The following MPHOSPH9 variants were observed in gnomAD, a reference collection of about 807,000 sequenced individuals.
MPHOSPH9 encodes M-phase phosphoprotein 9.
MPHOSPH9 carries 88 observed loss-of-function variants against 145.5 expected under a neutral mutation model. The observed-to-expected ratio is 0.60, with a 90% confidence interval of 0.51 to 0.72. The LOEUF is 0.72. MPHOSPH9 is among the 30% of genes least tolerant of loss of function. The pLI, the probability that MPHOSPH9 is intolerant of heterozygous loss-of-function variation, is 0.00. For missense variants in MPHOSPH9, 1,238 were observed against 1,386.6 expected (o/e 0.89, Z 1.70); for synonymous variants, 435 against 486.2 (o/e 0.89, Z 1.39).
chr12:123,231,493 A>T (rs1187815067), intron 1 of MPHOSPH9, among the ~76,000 whole-genome samples: 1 of 152,170 alleles, frequency 6.6e-6, no homozygotes, highest in African/African-American at 2.4e-5. Flanking sequence ...TGAACTATAT[A>T]TATGGTCTTT....
intron 3 of MPHOSPH9, among the ~76,000 whole-genome samples, chr12:123,226,917 G>A (rs1404668554): frequency 2.0e-5 from 3 of 152,136 alleles, no homozygotes; most frequent in East Asian, 1.9e-4. Flanking sequence ...GATTACAGGC[G>A]TGAGCCACTG....
At chr12:123,225,840 A>C (rs1360084543) in intron 3 of MPHOSPH9, among the ~76,000 whole-genome samples, 1 of 152,212 alleles carries the variant, frequency 6.6e-6, no homozygotes, top group East Asian at 1.9e-4. Flanking sequence ...GTTCGAGACC[A>C]GCCTGGCCAA....
upstream of MPHOSPH9, among the ~76,000 whole-genome samples, chr12:123,235,218 T>TCTC (rs2047825886): frequency 6.6e-6 from 1 of 152,202 alleles, no homozygotes; most frequent in Admixed American, 6.5e-5. Context: ...GGTAGTAGTA[T>TCTC]CTCCATTCTA....
chr12:123,218,233 A>T, intron 6 of MPHOSPH9, 143 bp downstream of exon 6: 1 of 1,227,420 alleles, frequency 8.1e-7, no homozygotes, highest in Non-Finnish European at 1.1e-6. Flanking sequence ...ACTCCGTCTC[A>T]AAAAAACAAC....
chr12:123,181,062 T>C (rs1157378252), intron 14 of MPHOSPH9, 101 bp downstream of exon 14: 5 of 1,097,174 alleles, frequency 4.6e-6, no homozygotes, highest in Non-Finnish European at 6.9e-6. Context: ...CTACGGAGGT[T>C]CAGGAAGGGG....
At chr12:123,162,068 A>T in intron 21 of MPHOSPH9, 47 bp downstream of exon 21, 1 of 1,255,894 alleles carries the variant, frequency 8.0e-7, no homozygotes, top group Non-Finnish European at 1.1e-6. Flanking sequence ...AGAATCTCAA[A>T]AAATGAATGA....
downstream of MPHOSPH9, chr12:123,152,572 A>C (rs1254512904): frequency 2.2e-6 from 1 of 456,710 alleles, no homozygotes. Flanking sequence ...GACATGGTAC[A>C]TAATGTCCAG....
chr12:123,212,094 T>G (rs1006103258), intron 7 of MPHOSPH9, among the ~76,000 whole-genome samples: 3 of 151,618 alleles, frequency 2.0e-5, no homozygotes, highest in Non-Finnish European at 4.4e-5. Context: ...GCAGGAGGAG[T>G]GAGACATGAA....
At chr12:123,206,165 A>G (rs1161557063) in intron 8 of MPHOSPH9, among the ~76,000 whole-genome samples, 1 of 152,032 alleles carries the variant, frequency 6.6e-6, no homozygotes, top group Admixed American at 6.6e-5. Flanking sequence ...AGAGAGAGAA[A>G]TGGCCAGGCA....
chr12:123,212,379 CCTTCT>C (rs550695958), intron 7 of MPHOSPH9, among the ~76,000 whole-genome samples: 2 of 152,202 alleles, frequency 1.3e-5, no homozygotes, highest in South Asian at 4.1e-4. Flanking sequence ...AGACAATCTC[CCTTCT>C]CATCAAAGAA....
At chr12:123,177,589 AAAAC>A (rs1345077291) in intron 15 of MPHOSPH9, among the ~76,000 whole-genome samples, 1 of 152,158 alleles carries the variant, frequency 6.6e-6, no homozygotes, top group African/African-American at 2.4e-5. Context: ...GAAAAACAGA[AAAAC>A]AAATACATTA....
intron 16 of MPHOSPH9, among the ~76,000 whole-genome samples, chr12:123,176,174 A>T (rs1716173): frequency 0.65 from 97,822 of 151,636 alleles, 36,091 homozygotes; most frequent in East Asian, 1. Context: ...TAAAATTCAG[A>T]TCTAATATAA....
intron 6 of MPHOSPH9, among the ~76,000 whole-genome samples, chr12:123,216,999 AT>A (rs1368817351): frequency 2.0e-5 from 3 of 151,622 alleles, no homozygotes; most frequent in Admixed American, 6.6e-5. Flanking sequence ...AAAAAAATAA[AT>A]AAATAAATAA....
Position 123,164,011 on chromosome 12 carries a change from A to C in MPHOSPH9, c.2847T>G (p.Leu949=), listed in dbSNP as rs1183798271. The C allele has an allele frequency of 1.2e-6, 2 of 1,614,174 alleles. No homozygotes were observed. The highest frequency in any genetic ancestry group is 1.6e-4 in the Middle Eastern group (1 of 6,062). The part of the protein sequence containing the change: ...EKCAQQRQKR[L]NSASQRSSSL... ...ATGATGATCTCTGTGAGGCCGAATT[A>C]AGTCTCTTTTGTCTCTGTTGGGCAC... Residue 949 remains leucine, a synonymous_variant, in exon 19 of 24, where the codon CTT becomes CTG. Coordinates refer to ENST00000606320, the MANE Select transcript of MPHOSPH9 (RefSeq NM_022782.4).
At chr12:123,189,946 AC>A (rs1172064183) in intron 13 of MPHOSPH9, among the ~76,000 whole-genome samples, 1 of 151,778 alleles carries the variant, frequency 6.6e-6, no homozygotes, top group African/African-American at 2.4e-5. Context: ...AAAAAAAAAA[AC>A]AAAAACAAAA....
intron 14 of MPHOSPH9, 96 bp from the exon 15 acceptor site, chr12:123,180,086 A>G: frequency 1.6e-6 from 1 of 626,748 alleles, no homozygotes; most frequent in Non-Finnish European, 2.6e-6. Flanking sequence ...AGGCTAAACC[A>G]ACTAGCTACA....
At chr12:123,223,922 G>C (rs1057316935) in intron 3 of MPHOSPH9, among the ~76,000 whole-genome samples, 13 of 151,474 alleles carry the variant, frequency 8.6e-5, no homozygotes, top group Non-Finnish European at 1.8e-4. Flanking sequence ...AAAGGATTAA[G>C]TTTTATTTAT....
chr12:123,212,195 G>T (rs2046756605), intron 7 of MPHOSPH9, among the ~76,000 whole-genome samples: 1 of 152,028 alleles, frequency 6.6e-6, no homozygotes, highest in East Asian at 1.9e-4. Flanking sequence ...GGGTGCGATG[G>T]GCAGGCACTA....
intron 12 of MPHOSPH9, 60 bp downstream of exon 12, chr12:123,198,187 T>C (rs2046059216): frequency 8.1e-7 from 1 of 1,227,456 alleles, no homozygotes; most frequent in Non-Finnish European, 1.2e-6. Flanking sequence ...ACATAACTGA[T>C]GTTATCACGA....
Sources: gnomAD v4.1 joint callset for allele counts (sites outside exome capture counted in the v4.1 genomes callset) on GRCh38, gnomAD v4.1.1 for gene constraint, MANE v1.5 for transcripts, NCBI Gene and HGNC (gene_info 2026-07-23, HGNC 2026-07-21) for gene names.